The following CDH8 variants were observed in gnomAD, a reference collection of about 807,000 sequenced individuals.
The protein encoded by CDH8 is cadherin-8.
A neutral mutation model predicts 68.1 loss-of-function variants in CDH8; 17 were observed. The observed-to-expected ratio is 0.25, with a 90% CI of 0.17 to 0.37. The LOEUF is 0.37. CDH8 is among the 10% of genes least tolerant of loss of function. CDH8 has a pLI of 1.00. For missense variants in CDH8, 763 were observed against 999.3 expected, an observed-to-expected ratio of 0.76 and a Z score of 3.19; for synonymous variants, 372 against 365.1, an observed-to-expected ratio of 1.02 and a Z score of -0.21.
intron 2 of CDH8, among the ~76,000 whole-genome samples, chr16:61,966,493 G>A (rs1006438592): frequency 3.9e-5 from 6 of 151,926 alleles, no homozygotes; most frequent in Admixed American, 6.6e-5. Context: ...AGCTGAGATC[G>A]TGCCACTGCC....
intron 8 of CDH8, among the ~76,000 whole-genome samples, chr16:61,776,983 G>A (rs1960918350): frequency 6.6e-6 from 1 of 152,048 alleles, no homozygotes; most frequent in African/African-American, 2.4e-5. Flanking sequence ...CAATTTTATA[G>A]ATAGCAAAAC....
chr16:61,769,592 G>A (rs140501950), intron 8 of CDH8, among the ~76,000 whole-genome samples: 3,430 of 151,184 alleles, frequency 0.023, 71 homozygotes, highest in Admixed American at 0.039. Flanking sequence ...ACATACTGAA[G>A]AGAATTATGA....
At chr16:61,774,326 G>A (rs1023099918) in intron 8 of CDH8, among the ~76,000 whole-genome samples, 6 of 151,892 alleles carry the variant, frequency 4.0e-5, no homozygotes, top group African/African-American at 1.5e-4. Context: ...CCTTTCTCAT[G>A]GTCTCTAACT....
intron 3 of CDH8, among the ~76,000 whole-genome samples, chr16:61,895,594 T>C (rs1963857042): frequency 6.6e-6 from 1 of 152,170 alleles, no homozygotes; most frequent in South Asian, 2.1e-4. Flanking sequence ...CACACAACAA[T>C]GCAATAATTT....
intron 4 of CDH8, among the ~76,000 whole-genome samples, chr16:61,852,879 T>A (rs1334637661): frequency 2.9e-5 from 4 of 136,778 alleles, no homozygotes; most frequent in Non-Finnish European, 6.1e-5. Context: ...CCTTCCTTCC[T>A]TCCTTCCTTC....
At chr16:61,658,975 A>C (rs1963503536) in intron 10 of CDH8, among the ~76,000 whole-genome samples, 1 of 152,106 alleles carries the variant, frequency 6.6e-6, no homozygotes, top group Non-Finnish European at 1.5e-5. Flanking sequence ...GTGATAGTAA[A>C]CCTGTTTAAA....
At chr16:61,886,463 T>G (rs1320870457) in intron 3 of CDH8, among the ~76,000 whole-genome samples, 1 of 152,226 alleles carries the variant, frequency 6.6e-6, no homozygotes, top group African/African-American at 2.4e-5. Flanking sequence ...AGCAGACTAC[T>G]TTATATTTCT....
Position 61,782,990 on chromosome 16 carries a change from A to G in CDH8, c.1414+6356T>C, listed in dbSNP as rs1961124031. 2.6e-5 allele frequency among the ~76,000 whole-genome samples: 4 copies of G among 151,090 alleles called. No individual in the cohort carries two copies. The South Asian group carries it at 8.4e-4, about 32-fold the overall frequency. ...GATAAAACCACAAAGATGGGGAAAA[A>G]ACAGAACAGAAAAACTGGAAACTCT... On this transcript the variant is annotated intron_variant, in intron 8 of 11. Transcript: ENST00000577390.
At chr16:61,684,202 G>T (rs1045859731) in intron 10 of CDH8, among the ~76,000 whole-genome samples, 7 of 151,980 alleles carry the variant, frequency 4.6e-5, no homozygotes, top group African/African-American at 1.7e-4. Context: ...AAAACTTTGT[G>T]ATTAATTGTA....
At chr16:61,731,938 G>A (rs2142904236) in intron 8 of CDH8, among the ~76,000 whole-genome samples, 1 of 151,688 alleles carries the variant, frequency 6.6e-6, no homozygotes, top group Non-Finnish European at 1.5e-5. Context: ...TATTAAAAAG[G>A]AAGCAAATGG....
intron 3 of CDH8, among the ~76,000 whole-genome samples, chr16:61,871,804 T>C (rs1963369772): frequency 8.3e-6 from 1 of 119,902 alleles, no homozygotes; most frequent in Non-Finnish European, 1.6e-5. Context: ...TATGCTCTAT[T>C]GTTCTATATG....
At chr16:61,796,558 G>T (rs1961505528) in intron 7 of CDH8, among the ~76,000 whole-genome samples, 1 of 152,036 alleles carries the variant, frequency 6.6e-6, no homozygotes. Context: ...TACTGCAATA[G>T]ATATAGTTTA....
At chr16:61,700,427 C>T (rs527343779) in intron 10 of CDH8, among the ~76,000 whole-genome samples, 12 of 151,990 alleles carry the variant, frequency 7.9e-5, no homozygotes, top group African/African-American at 2.7e-4. Context: ...ACTACAGACA[C>T]GTGCCACAAC....
chr16:61,663,880 A>C (rs994310185), intron 10 of CDH8, among the ~76,000 whole-genome samples: 1 of 152,020 alleles, frequency 6.6e-6, no homozygotes, highest in African/African-American at 2.4e-5. Flanking sequence ...ATGTGTGTGT[A>C]TGTGTGTCTT....
At chr16:61,992,862 C>T (rs1965749310) in intron 2 of CDH8, among the ~76,000 whole-genome samples, 2 of 152,122 alleles carry the variant, frequency 1.3e-5, no homozygotes, top group Admixed American at 1.3e-4. Flanking sequence ...AATCATGGCC[C>T]ACTGCATCCT....
At chr16:62,024,075 G>C (rs1323480359) in intron 1 of CDH8, among the ~76,000 whole-genome samples, 1 of 151,942 alleles carries the variant, frequency 6.6e-6, no homozygotes, top group African/African-American at 2.4e-5. Context: ...CTCACCTCAA[G>C]TGATCTTCTC....
intron 4 of CDH8, among the ~76,000 whole-genome samples, chr16:61,835,191 T>C (rs932302314): frequency 2.0e-5 from 3 of 151,914 alleles, no homozygotes; most frequent in Non-Finnish European, 4.4e-5. Flanking sequence ...ATTGTTGCTA[T>C]AGAATAGCGG....
chr16:61,838,429 C>G (rs962308843), intron 4 of CDH8, among the ~76,000 whole-genome samples: 4 of 152,104 alleles, frequency 2.6e-5, no homozygotes, highest in African/African-American at 9.7e-5. Context: ...CACTGATTAC[C>G]TCCTATTTGT....
chr16:61,652,142 A>G lies in CDH8; in HGVS notation c.*1466T>C. 1 of 978,354 alleles carries G rather than the reference A, an allele frequency of 1.0e-6. No homozygotes were observed. Among genetic ancestry groups the G allele is most frequent in the Non-Finnish European group, 1.2e-6 (1 of 823,472 alleles). The allele number at this position is 978,354 out of a possible 1,614,324, so 60.6% of individuals were successfully genotyped here. A position where few individuals can be genotyped will look rare whatever the true frequency, so the allele number is the denominator to read the frequency against. On this transcript the variant is annotated 3_prime_UTR_variant, in exon 12 of 12. Coordinates refer to ENST00000577390, the MANE Select transcript of CDH8 (RefSeq NM_001796.5). ...TAAAATGATCTGCATGTAATACTTG[A>G]GTTTTATCATACATTTTCTACTCCT...
Sources: allele counts gnomAD v4.1 joint callset (sites outside exome capture counted in the v4.1 genomes callset), GRCh38; gene constraint gnomAD v4.1.1; transcripts MANE v1.5; gene names NCBI Gene and HGNC (gene_info 2026-07-23, HGNC 2026-07-21).